SPX: variants seen among roughly 807,000 people sequenced by gnomAD.
SPX encodes spexin hormone, also known as spexin.
A neutral mutation model predicts 19.2 loss-of-function variants in SPX; 22 were observed. The observed-to-expected ratio is 1.15, with a 90% CI of 0.82 to 1.64. The LOEUF (loss-of-function observed/expected upper bound fraction) is 1.64, where lower values mean the gene tolerates loss of function less well. Ranked by LOEUF, SPX falls within the 40% of genes most tolerant of loss-of-function variation. SPX has a pLI of 0.00. For synonymous variants in SPX, 50 were observed against 53.3 expected, an observed-to-expected ratio of 0.94 and a Z score of 0.27; for missense variants, 143 against 137.7, an observed-to-expected ratio of 1.04 and a Z score of -0.19.
chr12:21,529,922 C>T (rs890348810), intron 5 of SPX, among the ~76,000 whole-genome samples: 6 of 152,004 alleles, frequency 3.9e-5, no homozygotes, highest in Admixed American at 6.6e-5. Context: ...TTGATAGTGA[C>T]GTTTTAGATT....
chr12:21,528,330 A>G (rs923390623), intron 4 of SPX, among the ~76,000 whole-genome samples: 1 of 152,244 alleles, frequency 6.6e-6, no homozygotes, highest in African/African-American at 2.4e-5. Flanking sequence ...CAAAATCAAA[A>G]GAGTAACATG....
At chr12:21,526,846 G>A in intron 1 of SPX, 40 bp from the exon 2 acceptor site, 1 of 1,566,134 alleles carries the variant, frequency 6.4e-7, no homozygotes, top group Non-Finnish European at 8.8e-7. Flanking sequence ...AGATCCTATT[G>A]GCACAGAAAT....
rs1943813827 is a variant in SPX, at chr12:21,526,331, T to C, written c.-142T>C. 1 of 616,916 alleles carries C rather than the reference T, an allele frequency of 1.6e-6. No homozygotes were observed. Among genetic ancestry groups the C allele is most frequent in the Non-Finnish European group, 2.8e-6 (1 of 363,300 alleles). 38.2% of individuals were successfully genotyped at this position (616,916 alleles called of 1,614,324 possible). ...CAATCTTGCTTGAAGACTGACAAGA[T>C]GTCCCTGTGGACTCCCAAACTCTAC... On this transcript the variant is annotated 5_prime_UTR_variant, in exon 1 of 6. It removes an upstream start codon present in the reference 5' UTR. Coordinates refer to ENST00000256969, the MANE Select transcript of SPX (RefSeq NM_030572.4).
rs1433849097 is a variant in SPX, at chr12:21,527,470, T to G, written c.146-257T>G. 5 of 599,432 alleles carry G rather than the reference T, an allele frequency of 8.3e-6. No homozygotes were observed. The African/African-American group carries it at 9.3e-5, about 11-fold the overall frequency. 37.1% of individuals were successfully genotyped at this position (599,432 alleles called of 1,614,324 possible). A position where few individuals can be genotyped will look rare whatever the true frequency, so the allele number is the denominator to read the frequency against. On this transcript the variant is annotated intron_variant, in intron 3 of 5. Transcript: ENST00000256969. ...TCGGGTTGCCTGGGAAATATCTCAG[T>G]AACCCGACCTCCGCTCCAAAGCGCC...
rs1049074784 is a variant in SPX, at chr12:21,531,337, A to G, written c.*142A>G. 3.4e-6 allele frequency: 2 copies of G among 593,018 alleles called. No individual in the cohort carries two copies. The highest frequency in any genetic ancestry group is 6.3e-5 in the South Asian group (2 of 31,748). 36.7% of individuals were successfully genotyped at this position (593,018 alleles called of 1,614,324 possible). A position where few individuals can be genotyped will look rare whatever the true frequency, so the allele number is the denominator to read the frequency against. On this transcript the variant is annotated 3_prime_UTR_variant, in exon 6 of 6. Coordinates refer to ENST00000256969, the MANE Select transcript of SPX (RefSeq NM_030572.4). ...TTTTATTCTTTCAGAAACAAAATAT[A>G]TATAGGATGCTTAGCTGAGAACATC...
In SPX at chr12:21,531,398, C is replaced by A; in HGVS notation, c.*203C>A. The stretch of plus-strand genomic sequence containing the variant: ...ATTGCTTCAGGTCCTGTTTAGATGA[C>A]CAAAAATGTTTTCAGATCACCTTGT... On this transcript the variant is annotated 3_prime_UTR_variant, in exon 6 of 6. Coordinates refer to ENST00000256969, the MANE Select transcript of SPX (RefSeq NM_030572.4). The A allele has an allele frequency of 2.4e-6, 1 of 413,618 alleles. No homozygotes were observed. The highest frequency in any genetic ancestry group is 6.6e-5 in the South Asian group (1 of 15,232). The allele number at this position is 413,618 out of a possible 1,614,324, so 25.6% of individuals were successfully genotyped here.
intron 4 of SPX, among the ~76,000 whole-genome samples, chr12:21,528,444 T>G (rs1469530645): frequency 6.6e-6 from 1 of 152,200 alleles, no homozygotes; most frequent in Non-Finnish European, 1.5e-5. Context: ...TTGTAAAGAT[T>G]GAAATGCTAA....
Position 21,531,927 on chromosome 12 carries a change from G to C in SPX, c.*732G>C, listed in dbSNP as rs1484356498. On this transcript the variant is annotated 3_prime_UTR_variant, in exon 6 of 6. Transcript: ENST00000256969. ...TCTGTTGTTTACGTATTGGAAGAAGGGAACAAGCCAGTTTTGTTAGAGGTA... is the reference window on the plus strand; with the variant it reads ...TCTGTTGTTTACGTATTGGAAGAAGCGAACAAGCCAGTTTTGTTAGAGGTA... The C allele has an allele frequency of 2.6e-5, 4 of 152,136 alleles. No individual in the cohort carries two copies. The highest frequency in any genetic ancestry group is 9.7e-5 in the African/African-American group (4 of 41,420). The allele number at this position is 152,136 out of a possible 1,614,324, so 9.4% of individuals were successfully genotyped here.
chr12:21,526,744 G>A, intron 1 of SPX, 142 bp from the exon 2 acceptor site: 1 of 843,568 alleles, frequency 1.2e-6, no homozygotes, highest in South Asian at 1.7e-5. Context: ...GAAGGTAGAA[G>A]GGAAACACCT....
intron 3 of SPX, 72 bp downstream of exon 3, chr12:21,527,264 A>C: frequency 7.1e-7 from 1 of 1,401,370 alleles, no homozygotes; most frequent in Non-Finnish European, 1.0e-6. Flanking sequence ...ATAGATGGAG[A>C]GTTATGGAGA....
At chr12:21,527,543 C>T (rs982558618) in intron 3 of SPX, 184 bp from the exon 4 acceptor site, 2 of 656,610 alleles carry the variant, frequency 3.0e-6, no homozygotes, top group Non-Finnish European at 5.3e-6. Flanking sequence ...AGCTCCAGGG[C>T]CCCTGGCTCA....
intron 1 of SPX, 70 bp from the exon 2 acceptor site, chr12:21,526,816 G>T: frequency 7.1e-7 from 1 of 1,405,990 alleles, no homozygotes; most frequent in Admixed American, 1.7e-5. Context: ...AATTGTCCAG[G>T]CGTCAAGGAA....
At position 21,527,790 on chromosome 12, in the gene SPX, G is replaced by C. The variant is rs770914361; in HGVS notation, c.208+1G>C. The stretch of plus-strand genomic sequence containing the variant: ...GACCTCTCCGACCGGCCACTGCCGG[G>C]TGAGTGACCAAGGGTGCAAGGGCGC... On this transcript the variant is annotated splice_donor_variant, in intron 4 of 5. Transcript: ENST00000256969. LOFTEE classifies it high-confidence loss of function. 121 of 1,570,686 alleles carry C rather than the reference G, an allele frequency of 7.7e-5. No individual in the cohort carries two copies. In the South Asian group the frequency reaches 1.3e-3, roughly 17 times the overall value.
chr12:21,529,811 C>T lies in SPX; in HGVS notation c.292+727C>T, dbSNP rs550071206. Among the ~76,000 whole-genome samples the T allele has an allele frequency of 5.9e-5, 9 of 152,284 alleles. No homozygotes were observed. In the South Asian group the frequency reaches 1.2e-3, roughly 21 times the overall value. ...GAAAAGGTGTGAAATAGTTGAATAA[C>T]GGGTAGAGGATGCTGTATCCAAGGT... On this transcript the variant is annotated intron_variant, in intron 5 of 5. Coordinates refer to ENST00000256969, the MANE Select transcript of SPX (RefSeq NM_030572.4).
intron 3 of SPX, 32 bp from the exon 4 acceptor site, chr12:21,527,695 C>G: frequency 6.4e-7 from 1 of 1,553,808 alleles, no homozygotes; most frequent in Non-Finnish European, 8.7e-7. Context: ...CCGGGCCAGG[C>G]TGTCGCTGAG....
In SPX at chr12:21,526,490, C is replaced by G. The variant is rs1185138757; in HGVS notation, c.6+12C>G. The G allele has an allele frequency of 6.3e-7, 1 of 1,590,372 alleles. No homozygotes were observed. The highest frequency in any genetic ancestry group is 1.1e-5 in the South Asian group (1 of 87,116). On this transcript the variant is annotated intron_variant, in intron 1 of 5. Transcript: ENST00000256969. Reference sequence around the variant, plus strand: ...CGCAGAACATGAAGGTAAGTAAAGGCTTTATTAACTTGAGACTTCTTAGCT... The same window carrying G: ...CGCAGAACATGAAGGTAAGTAAAGGGTTTATTAACTTGAGACTTCTTAGCT...
rs978419430 is a variant in SPX, at chr12:21,527,595, G to A, written c.146-132G>A. ...GGAGCGCTGGAAACTCGGCAGCCCC[G>A]CGCGACCCTATCCTGGAGCAACCTG... On this transcript the variant is annotated intron_variant, in intron 3 of 5. Coordinates refer to ENST00000256969, the MANE Select transcript of SPX (RefSeq NM_030572.4). The A allele has an allele frequency of 1.4e-5, 12 of 881,496 alleles. No individual in the cohort carries two copies. In the African/African-American group the frequency reaches 1.9e-4, roughly 14 times the overall value. 54.6% of individuals were successfully genotyped at this position (881,496 alleles called of 1,614,324 possible). A position where few individuals can be genotyped will look rare whatever the true frequency, so the allele number is the denominator to read the frequency against.
chr12:21,526,645 G>A (rs566566920), intron 1 of SPX, among the ~76,000 whole-genome samples, 167 bp downstream of exon 1: 1 of 152,204 alleles, frequency 6.6e-6, no homozygotes, highest in Non-Finnish European at 1.5e-5. Flanking sequence ...AAAAATTCAC[G>A]TATTTACTTA....
At chr12:21,528,304 A>G (rs1299676148) in intron 4 of SPX, among the ~76,000 whole-genome samples, 4 of 152,242 alleles carry the variant, frequency 2.6e-5, no homozygotes, top group Non-Finnish European at 5.9e-5. Context: ...TTGACTAGAA[A>G]GAACTATCAA....
Sources: gnomAD v4.1 joint callset for allele counts (sites outside exome capture counted in the v4.1 genomes callset) on GRCh38, gnomAD v4.1.1 for gene constraint, MANE v1.5 for transcripts, NCBI Gene and HGNC (gene_info 2026-07-23, HGNC 2026-07-21) for gene names.